NUP98: variants seen among roughly 807,000 people sequenced by gnomAD.
NUP98 encodes the protein nuclear pore complex protein Nup98-Nup96.
A neutral mutation model predicts 191.9 loss-of-function variants in NUP98; 26 were observed. The observed-to-expected ratio is 0.14, with a 90% CI of 0.10 to 0.19. The LOEUF (loss-of-function observed/expected upper bound fraction) is 0.19, where lower values mean the gene tolerates loss of function less well. NUP98 is among the 10% of genes least tolerant of loss of function. The pLI is 1.00. For missense variants in NUP98, 1,941 were observed against 2,178.8 expected (o/e 0.89, Z 2.17); for synonymous variants, 808 against 778.4 (o/e 1.04, Z -0.63).
At chr11:3,683,090 A>G in intron 30 of NUP98, 110 bp downstream of exon 30, 1 of 1,477,788 alleles carries the variant, frequency 6.8e-7, no homozygotes, top group Non-Finnish European at 9.1e-7. Context: ...ATTTGATTCA[A>G]GATGGCCATG....
intron 19 of NUP98, among the ~76,000 whole-genome samples, chr11:3,713,041 C>T (rs887011254): frequency 6.6e-6 from 1 of 152,152 alleles, no homozygotes; most frequent in African/African-American, 2.4e-5. Flanking sequence ...CATATATTGC[C>T]TGTTATCCTC....
chr11:3,739,520 T>C (rs1265006593), intron 12 of NUP98, among the ~76,000 whole-genome samples: 1 of 152,136 alleles, frequency 6.6e-6, no homozygotes, highest in African/African-American at 2.4e-5. Context: ...GTGCTGAGAT[T>C]ACAGGCGTGA....
At chr11:3,696,820 AAAAAC>A (rs1469301015) in intron 25 of NUP98, 3 of 136,544 alleles carry the variant, frequency 2.2e-5, no homozygotes, top group Non-Finnish European at 4.7e-5. Context: ...AAACAAAAAC[AAAAAC>A]AAAACAAAAA....
At chr11:3,791,693 A>G (rs955762313) in intron 1 of NUP98, among the ~76,000 whole-genome samples, 8 of 151,932 alleles carry the variant, frequency 5.3e-5, no homozygotes, top group African/African-American at 1.7e-4. Flanking sequence ...AAATACAAAA[A>G]TTAGCCATGT....
intron 6 of NUP98, among the ~76,000 whole-genome samples, chr11:3,772,846 C>A (rs1372188232): frequency 6.6e-6 from 1 of 151,006 alleles, no homozygotes; most frequent in African/African-American, 2.4e-5. Flanking sequence ...TGTGTGGTGG[C>A]CCACACCTGT....
intron 12 of NUP98, among the ~76,000 whole-genome samples, chr11:3,742,214 C>T (rs1338577212): frequency 5.3e-5 from 8 of 151,980 alleles, no homozygotes; most frequent in South Asian, 2.1e-4. Context: ...AGTCAGTAAG[C>T]GGTGGTAATA....
chr11:3,773,771 T>A (rs1390569727), intron 5 of NUP98, 32 bp from the exon 6 acceptor site: 1 of 1,359,872 alleles, frequency 7.4e-7, no homozygotes, highest in Non-Finnish European at 1.0e-6. Flanking sequence ...AATTTGTAGG[T>A]CCAAGTTTTA....
intron 20 of NUP98, chr11:3,711,990 C>T (rs1054136360): frequency 9.4e-5 from 98 of 1,045,682 alleles, no homozygotes; most frequent in Non-Finnish European, 1.0e-4. Flanking sequence ...CAAGTAATTG[C>T]GATAAACAAT....
At chr11:3,721,179 A>G (rs2079386953) in intron 16 of NUP98, 1 of 156,296 alleles carries the variant, frequency 6.4e-6, no homozygotes, top group South Asian at 2.0e-4. Context: ...TATAAAAGGT[A>G]TCTCATAAAA....
At chr11:3,793,645 C>T (rs1026415412) in intron 1 of NUP98, among the ~76,000 whole-genome samples, 1 of 151,948 alleles carries the variant, frequency 6.6e-6, no homozygotes, top group Non-Finnish European at 1.5e-5. Context: ...CAAGTATTTC[C>T]CATTACACTG....
rs78151126 is a variant in NUP98, at chr11:3,785,857, A to T, written c.-28-3712T>A. Among the ~76,000 whole-genome samples the T allele has an allele frequency of 3.4e-3, 498 of 145,740 alleles. 3 individuals are homozygous for T. The highest frequency in any genetic ancestry group is 0.025 in the Middle Eastern group (7 of 282). ...CTCCAAAAATGTAGTAAAATCCATT[A>T]AAAAAAAAAAGTAATCCTAGAGACA... On this transcript the variant is annotated intron_variant, in intron 1 of 32. Transcript: ENST00000324932.
chr11:3,797,111 T>C (rs2082674636), intron 1 of NUP98, among the ~76,000 whole-genome samples: 2 of 152,238 alleles, frequency 1.3e-5, no homozygotes, highest in African/African-American at 2.4e-5. Flanking sequence ...CTTACACCAC[T>C]GAATGAATGA....
At chr11:3,688,183 T>C (rs562346737) in intron 28 of NUP98, among the ~76,000 whole-genome samples, 28 of 152,142 alleles carry the variant, frequency 1.8e-4, no homozygotes, top group African/African-American at 6.0e-4. Context: ...GGTGAGCGGA[T>C]CACGAGGTCA....
At chr11:3,690,298 C>T (rs369923247) in intron 28 of NUP98, among the ~76,000 whole-genome samples, 15 of 149,374 alleles carry the variant, frequency 1.0e-4, no homozygotes, top group African/African-American at 2.2e-4. Context: ...CTTGCTGTGT[C>T]GCCCAGGCTG....
Position 3,700,751 on chromosome 11 carries a change from G to A in NUP98, c.3601C>T (p.Pro1201Ser). The part of the protein sequence containing the change: ...PDEDMKLYQT[P>S]LELKLKHSTV... ...CTGTGTTTTAATTTGAGCTCCAGAGGTGTCTGATATAATTTCATGTCTTCA... is the reference window on the plus strand; with the variant it reads ...CTGTGTTTTAATTTGAGCTCCAGAGATGTCTGATATAATTTCATGTCTTCA... Residue 1201 changes from proline to serine, a missense_variant, in exon 24 of 33, where the codon CCT (proline) becomes TCT (serine). Coordinates refer to ENST00000324932, the MANE Select transcript of NUP98 (RefSeq NM_016320.5). 6.2e-7 allele frequency: 1 copy of A among 1,614,146 alleles called. No homozygotes were observed. The highest frequency in any genetic ancestry group is 8.5e-7 in the Non-Finnish European group (1 of 1,180,024).
intron 14 of NUP98, among the ~76,000 whole-genome samples, chr11:3,729,543 CA>C (rs36045405): frequency 0.3 from 16,823 of 55,672 alleles, 1,383 homozygotes; most frequent in East Asian, 0.35. Flanking sequence ...CCTGTATCTC[CA>C]AAAAAAAAAA....
chr11:3,788,925 T>A (rs1357201716), intron 1 of NUP98, among the ~76,000 whole-genome samples: 1 of 149,898 alleles, frequency 6.7e-6, no homozygotes, highest in Non-Finnish European at 1.5e-5. Flanking sequence ...CCAGCCTGGA[T>A]AACAACAGTG....
intron 25 of NUP98, chr11:3,696,571 G>A (rs2078514146): frequency 6.6e-6 from 1 of 151,908 alleles, no homozygotes; most frequent in African/African-American, 2.4e-5. Context: ...CACTTTGGAA[G>A]GCTGAGGCAG....
In NUP98 at chr11:3,698,126, T is replaced by C. The variant is rs932298689; in HGVS notation, c.4009+956A>G. On this transcript the variant is annotated intron_variant, in intron 25 of 32. Coordinates refer to ENST00000324932, the MANE Select transcript of NUP98 (RefSeq NM_016320.5). Reference sequence around the variant, plus strand: ...TAAAAGAATGCTAAGAAGTATTTGATAATTATCTGTATTACAGGGCATTTG... The same window carrying C: ...TAAAAGAATGCTAAGAAGTATTTGACAATTATCTGTATTACAGGGCATTTG... Among the ~76,000 whole-genome samples, 3 of 152,330 alleles carry C rather than the reference T, an allele frequency of 2.0e-5. No individual in the cohort carries two copies. In the East Asian group the frequency reaches 5.8e-4, roughly 29 times the overall value.
Sources: allele counts gnomAD v4.1 joint callset (sites outside exome capture counted in the v4.1 genomes callset), GRCh38; gene constraint gnomAD v4.1.1; transcripts MANE v1.5; gene names NCBI Gene and HGNC (gene_info 2026-07-23, HGNC 2026-07-21).